The following PARD3B variants were observed in gnomAD, a reference collection of about 807,000 sequenced individuals.
The protein encoded by PARD3B is par-3 family cell polarity regulator beta, also known as partitioning defective 3 homolog B.
A neutral mutation model predicts 130.2 loss-of-function variants in PARD3B; 103 were observed. The ratio of observed to expected loss-of-function variants is 0.79; its 90% CI spans 0.67 to 0.93. PARD3B has a LOEUF of 0.93. Ranked by LOEUF, PARD3B falls within the 40% of genes least tolerant of loss-of-function variation. PARD3B has a pLI of 0.00. For missense variants in PARD3B, 1,609 were observed against 1,499.2 expected, an observed-to-expected ratio of 1.07 and a Z score of -1.21; for synonymous variants, 583 against 553.2, an observed-to-expected ratio of 1.05 and a Z score of -0.76.
At chr2:205,614,738 A>G (rs1398226644) in intron 22 of PARD3B, among the ~76,000 whole-genome samples, 1 of 151,668 alleles carries the variant, frequency 6.6e-6, no homozygotes, top group Non-Finnish European at 1.5e-5. Context: ...AAAGAGCTCT[A>G]GGTGCTCTGG....
chr2:205,393,820 G>C (rs574320668), intron 18 of PARD3B, among the ~76,000 whole-genome samples: 1 of 152,238 alleles, frequency 6.6e-6, no homozygotes, highest in South Asian at 2.1e-4. Context: ...CAGAGGACAA[G>C]CTGTACATAT....
chr2:205,573,529 A>G (rs983145678), intron 22 of PARD3B, among the ~76,000 whole-genome samples: 1 of 152,170 alleles, frequency 6.6e-6, no homozygotes, highest in Non-Finnish European at 1.5e-5. Context: ...AAAAGTATGT[A>G]TGAAAAGGAA....
intron 1 of PARD3B, among the ~76,000 whole-genome samples, chr2:204,557,692 G>T (rs2031018847): frequency 6.6e-6 from 1 of 152,176 alleles, no homozygotes; most frequent in African/African-American, 2.4e-5. Flanking sequence ...AAATCTAAGT[G>T]CAACTTTTCT....
At position 205,584,960 on chromosome 2, in the gene PARD3B, T is replaced by C. The variant is rs771220469; in HGVS notation, c.3261-30496T>C. ...GCTACATGCAGACACAATTAGGTGC[T>C]TGCAACTTGTTGAAGGCACAGGTGT... On this transcript the variant is annotated intron_variant, in intron 22 of 22. Transcript: ENST00000406610. This position sits in a 1 kb window ranked among gnomAD's most constrained non-coding sequence, Gnocchi z 5.5. 1.3e-5 allele frequency among the ~76,000 whole-genome samples: 2 copies of C among 152,198 alleles called. No individual in the cohort carries two copies. Among genetic ancestry groups the C allele is most frequent in the Non-Finnish European group, 2.9e-5 (2 of 68,042 alleles).
Position 204,833,933 on chromosome 2 carries a change from A to G in PARD3B, c.223-131219A>G, listed in dbSNP as rs1037913960. Reference sequence around the variant, plus strand: ...CTACCTCTCCAAATTCATCCCTGCCATTCTTCCCCTGCTCCCATGCCACAA... The same window carrying G: ...CTACCTCTCCAAATTCATCCCTGCCGTTCTTCCCCTGCTCCCATGCCACAA... On this transcript the variant is annotated intron_variant, in intron 2 of 22. Coordinates refer to ENST00000406610, the MANE Select transcript of PARD3B (RefSeq NM_001302769.2). Among the ~76,000 whole-genome samples the G allele has an allele frequency of 1.6e-4, 25 of 152,082 alleles. No homozygotes were observed. In the South Asian group the frequency reaches 2.9e-3, roughly 18 times the overall value.
In PARD3B at chr2:205,499,970, GT is replaced by G. The variant is rs983327447; in HGVS notation, c.3122del (p.Phe1041SerfsTer54). On this transcript the variant is annotated frameshift_variant, in exon 21 of 23. Coordinates refer to ENST00000406610, the MANE Select transcript of PARD3B (RefSeq NM_001302769.2). LOFTEE classifies it high-confidence loss of function. ...GAGTATTATCAGGCTCGGAGGGAAG[GT>G]TTCCCTTTATATGAAGACGACGAAG... is the stretch of plus-strand genomic sequence containing the variant. ...RKEYYQARRE[G>X]FPLYEDDEGR... The G allele has an allele frequency of 5.6e-6, 9 of 1,613,716 alleles. No individual in the cohort carries two copies. Among genetic ancestry groups the G allele is most frequent in the Non-Finnish European group, 6.8e-6 (8 of 1,179,764 alleles).
chr2:204,920,787 G>A (rs1328265873), intron 2 of PARD3B, among the ~76,000 whole-genome samples: 8 of 152,098 alleles, frequency 5.3e-5, no homozygotes, highest in Admixed American at 2.0e-4. Context: ...GTCTCTGTGC[G>A]AGACTGCCCT....
intron 2 of PARD3B, among the ~76,000 whole-genome samples, chr2:204,743,852 G>A (rs1022864812): frequency 4.6e-5 from 7 of 152,148 alleles, no homozygotes; most frequent in African/African-American, 1.7e-4. Flanking sequence ...CAGAAGGGAA[G>A]TGTGGATGGG....
chr2:205,500,706 A>G (rs1463639229), intron 21 of PARD3B, among the ~76,000 whole-genome samples: 3 of 152,220 alleles, frequency 2.0e-5, no homozygotes. Context: ...CAGGAAGAGG[A>G]TGCTTAGAAT....
intron 3 of PARD3B, among the ~76,000 whole-genome samples, chr2:204,982,439 G>T (rs1692755760): frequency 6.6e-6 from 1 of 152,154 alleles, no homozygotes; most frequent in South Asian, 2.1e-4. Context: ...AGTCTCCCCA[G>T]ATCCTCCCCA....
At chr2:204,762,864 G>T (rs1478119182) in intron 2 of PARD3B, among the ~76,000 whole-genome samples, 1 of 150,554 alleles carries the variant, frequency 6.6e-6, no homozygotes, top group African/African-American at 2.4e-5. Context: ...AGGTTCAAAC[G>T]ATTCTCCTGC....
chr2:205,157,439 A>C (rs2034245818), intron 10 of PARD3B, among the ~76,000 whole-genome samples: 1 of 152,226 alleles, frequency 6.6e-6, no homozygotes, highest in Non-Finnish European at 1.5e-5. Context: ...TTCACTTATA[A>C]GAAAATTAAA....
In PARD3B at chr2:204,728,302, A is replaced by G. The variant is rs373894105; in HGVS notation, c.222+42020A>G. ...GCCCCACAACTTTACTACCATAGTG[A>G]ACAATGGTCAAGGAGAAGGAAATTC... On this transcript the variant is annotated intron_variant, in intron 2 of 22. Coordinates refer to ENST00000406610, the MANE Select transcript of PARD3B (RefSeq NM_001302769.2). Among the ~76,000 whole-genome samples, 82 of 152,240 alleles carry G rather than the reference A, an allele frequency of 5.4e-4. 1 individual carries two copies. The highest frequency in any genetic ancestry group is 2.0e-3 in the African/African-American group (82 of 41,554).
intron 15 of PARD3B, among the ~76,000 whole-genome samples, chr2:205,237,195 G>A (rs2039102929): frequency 6.6e-6 from 1 of 152,094 alleles, no homozygotes; most frequent in Non-Finnish European, 1.5e-5. Context: ...CGCCTCCCAG[G>A]TTCAAGCAAT....
At chr2:204,867,570 A>G (rs79145148) in intron 2 of PARD3B, among the ~76,000 whole-genome samples, 1 of 152,152 alleles carries the variant, frequency 6.6e-6, no homozygotes, top group Non-Finnish European at 1.5e-5. Context: ...ACTTGTTTGA[A>G]GGTCTTTAAA....
rs570933364 is a variant in PARD3B, at chr2:204,657,103, A to C, written c.121-29078A>C. ...CTAGGCCATACTGTTTGATGCACAG[A>C]TTCCATCCCACTGTCGTATCACTTT... On this transcript the variant is annotated intron_variant, in intron 1 of 22. Transcript: ENST00000406610. 2.0e-5 allele frequency among the ~76,000 whole-genome samples: 3 copies of C among 152,292 alleles called. No individual in the cohort carries two copies. In the South Asian group the frequency reaches 6.2e-4, roughly 32 times the overall value.
intron 2 of PARD3B, among the ~76,000 whole-genome samples, chr2:204,841,604 G>A (rs1296526421): frequency 1.3e-5 from 2 of 151,956 alleles, no homozygotes; most frequent in Admixed American, 6.6e-5. Context: ...TCTTTAACAT[G>A]GACAGATTTT....
chr2:204,882,113 C>A (rs1204343481), intron 2 of PARD3B, among the ~76,000 whole-genome samples: 1 of 152,142 alleles, frequency 6.6e-6, no homozygotes, highest in African/African-American at 2.4e-5. Flanking sequence ...AAGCTATAAA[C>A]TGACTTTTGC....
intron 21 of PARD3B, among the ~76,000 whole-genome samples, chr2:205,526,586 C>G (rs747798430): frequency 6.6e-5 from 10 of 152,246 alleles, no homozygotes; most frequent in African/African-American, 9.6e-5. Flanking sequence ...TACTGCCTGG[C>G]CACGTTTTCA....
Sources: gnomAD v4.1 joint callset for allele counts (sites outside exome capture counted in the v4.1 genomes callset) on GRCh38, gnomAD v4.1.1 for gene constraint, Gnocchi (gnomAD v3.1) non-coding constraint, MANE v1.5 for transcripts, NCBI Gene and HGNC (gene_info 2026-07-23, HGNC 2026-07-21) for gene names.